The following ANKRD17 variants were observed in gnomAD, a reference collection of about 807,000 sequenced individuals.
The protein encoded by ANKRD17 is ankyrin repeat domain 17.
In ANKRD17, 19 loss-of-function variants were observed where a neutral mutation model predicts 229.7. The observed-to-expected ratio is 0.08, with a 90% CI of 0.06 to 0.12. ANKRD17 has a LOEUF of 0.12. ANKRD17 is among the 10% of genes least tolerant of loss of function. ANKRD17 has a pLI of 1.00. For missense variants in ANKRD17, 2,176 were observed against 3,176.8 expected (o/e 0.68, Z 7.57); for synonymous variants, 1,112 against 1,146.1 (o/e 0.97, Z 0.60).
intron 31 of ANKRD17, among the ~76,000 whole-genome samples, chr4:73,078,371 C>T (rs1199299217): frequency 2.7e-5 from 4 of 150,352 alleles, no homozygotes; most frequent in East Asian, 2.0e-4. Flanking sequence ...AGCGAGACTC[C>T]GTCTCAAAAA....
chr4:73,121,480 C>T, intron 19 of ANKRD17, 137 bp downstream of exon 19: 1 of 1,045,098 alleles, frequency 9.6e-7, no homozygotes, highest in Non-Finnish European at 1.4e-6. Context: ...AAGTTCATCT[C>T]AAAAATCTCT....
chr4:73,108,694 T>G (rs947846402), intron 24 of ANKRD17, among the ~76,000 whole-genome samples: 4 of 151,980 alleles, frequency 2.6e-5, no homozygotes, highest in African/African-American at 7.3e-5. Flanking sequence ...GTTGTGGGAG[T>G]TGAGAGCCAG....
rs557939739 is a variant in ANKRD17, at chr4:73,207,353, G to A, written c.394-29820C>T. ...AACCTAATAAAAGGCATGAACAAAG[G>A]GAAAAAAGAAGCCATAACAAATGGG... is the stretch of plus-strand genomic sequence containing the variant. On this transcript the variant is annotated intron_variant, in intron 1 of 33. Coordinates refer to ENST00000358602, the MANE Select transcript of ANKRD17 (RefSeq NM_032217.5). Among the ~76,000 whole-genome samples the A allele has an allele frequency of 5.5e-4, 83 of 151,974 alleles. 1 individual carries two copies. In the South Asian group the frequency reaches 0.016, roughly 29 times the overall value.
intron 32 of ANKRD17, 124 bp from the exon 33 acceptor site, chr4:73,077,228 G>T: frequency 7.6e-7 from 1 of 1,314,620 alleles, no homozygotes; most frequent in Non-Finnish European, 1.0e-6. Flanking sequence ...ACTTATCTAA[G>T]AAATCTAAAA....
chr4:73,118,128 T>C (rs1166348690), intron 22 of ANKRD17, among the ~76,000 whole-genome samples: 1 of 152,112 alleles, frequency 6.6e-6, no homozygotes, highest in Non-Finnish European at 1.5e-5. Context: ...GCCATCCTCC[T>C]ATCTCAGCCT....
intron 15 of ANKRD17, among the ~76,000 whole-genome samples, chr4:73,137,479 AG>A (rs1352503654): frequency 6.6e-6 from 1 of 152,176 alleles, no homozygotes; most frequent in Non-Finnish European, 1.5e-5. Context: ...GAGACTAATG[AG>A]GCTGTAATAT....
chr4:73,181,588 T>C (rs1735551135), intron 1 of ANKRD17, among the ~76,000 whole-genome samples: 1 of 152,158 alleles, frequency 6.6e-6, no homozygotes, highest in African/African-American at 2.4e-5. Flanking sequence ...CTCTCTGCCA[T>C]ACCACATCCC....
At chr4:73,102,246 A>T in intron 25 of ANKRD17, 130 bp downstream of exon 25, 1 of 928,010 alleles carries the variant, frequency 1.1e-6, no homozygotes, top group Non-Finnish European at 1.6e-6. Context: ...TACGGGCGTG[A>T]GCCACTGTGC....
intron 24 of ANKRD17, among the ~76,000 whole-genome samples, chr4:73,110,011 CAAAAAA>C (rs1175850592): frequency 2.4e-4 from 8 of 33,218 alleles, no homozygotes; most frequent in Non-Finnish European, 3.6e-4. Context: ...AAAAGTTTAC[CAAAAAA>C]AAAAAAAAAA....
intron 1 of ANKRD17, among the ~76,000 whole-genome samples, chr4:73,257,583 C>G (rs1354843651): frequency 6.6e-6 from 1 of 152,104 alleles, no homozygotes. Flanking sequence ...CATCCACTTA[C>G]AAATGTATAT....
chr4:73,119,429 A>C (rs1726420245), intron 21 of ANKRD17, among the ~76,000 whole-genome samples: 1 of 152,180 alleles, frequency 6.6e-6, no homozygotes, highest in Non-Finnish European at 1.5e-5. Flanking sequence ...GAAATGCTCC[A>C]AAGAGCATTT....
rs71655741 is a variant in ANKRD17 at position 73,191,341 on chromosome 4, A to ATGTGTGTGTGTGTGTGTGTGTGTGTG, written c.394-13834_394-13809dup. ...AATAGGCCCCTACCAAAAAATATAT[A>ATGTGTGTGTGTGTGTGTGTGTGTGTG]TGTGTGTGTGTGTGTGTGTGTGTGT... On this transcript the variant is annotated intron_variant, in intron 1 of 33. Coordinates refer to ENST00000358602, the MANE Select transcript of ANKRD17 (RefSeq NM_032217.5). Among the ~76,000 whole-genome samples, 393 of 125,268 alleles carry ATGTGTGTGTGTGTGTGTGTGTGTGTG rather than the reference A, an allele frequency of 3.1e-3. 4 individuals are homozygous for ATGTGTGTGTGTGTGTGTGTGTGTGTG. The highest frequency in any genetic ancestry group is 4.8e-3 in the South Asian group (17 of 3,534). The allele number at this position is 125,268 out of a possible 152,430, so 82.2% of individuals were successfully genotyped here.
At chr4:73,172,772 T>C (rs1734207713) in intron 2 of ANKRD17, among the ~76,000 whole-genome samples, 1 of 152,140 alleles carries the variant, frequency 6.6e-6, no homozygotes, top group Admixed American at 6.5e-5. Flanking sequence ...TAAGATAGTA[T>C]TTGCAAGCCT....
intron 1 of ANKRD17, among the ~76,000 whole-genome samples, chr4:73,179,232 T>G (rs1735119692): frequency 6.6e-6 from 1 of 151,650 alleles, no homozygotes; most frequent in East Asian, 1.9e-4. Context: ...TGGAATAACA[T>G]TTGAGATTTC....
At chr4:73,220,620 T>G (rs557933112) in intron 1 of ANKRD17, among the ~76,000 whole-genome samples, 1 of 152,250 alleles carries the variant, frequency 6.6e-6, no homozygotes, top group Admixed American at 6.5e-5. Flanking sequence ...ACTAATGATA[T>G]TGACTTTTGT....
intron 2 of ANKRD17, among the ~76,000 whole-genome samples, chr4:73,164,261 T>C (rs1451301054): frequency 6.6e-6 from 1 of 152,228 alleles, no homozygotes; most frequent in Non-Finnish European, 1.5e-5. Context: ...AGGACAGATC[T>C]GGCTCAGTAA....
intron 1 of ANKRD17, among the ~76,000 whole-genome samples, 191 bp from the exon 2 acceptor site, chr4:73,177,724 T>C (rs1356964577): frequency 2.0e-5 from 3 of 152,200 alleles, no homozygotes; most frequent in Non-Finnish European, 2.9e-5. Context: ...AGAAATTTTT[T>C]TGTGGAAGAA....
At chr4:73,115,083 A>G (rs1725782502) in intron 23 of ANKRD17, among the ~76,000 whole-genome samples, 1 of 152,238 alleles carries the variant, frequency 6.6e-6, no homozygotes, top group Non-Finnish European at 1.5e-5. Context: ...TAACTTTTAC[A>G]TCACGCTCAA....
chr4:73,138,999 T>C (rs1729271446), intron 15 of ANKRD17, among the ~76,000 whole-genome samples: 1 of 152,054 alleles, frequency 6.6e-6, no homozygotes, highest in African/African-American at 2.4e-5. Flanking sequence ...TTACATACAG[T>C]ATAATTAAAC....
Sources: gnomAD v4.1 joint callset for allele counts (sites outside exome capture counted in the v4.1 genomes callset) on GRCh38, gnomAD v4.1.1 for gene constraint, MANE v1.5 for transcripts, NCBI Gene and HGNC (gene_info 2026-07-23, HGNC 2026-07-21) for gene names.